The following SHISA6 variants were observed in gnomAD, a reference collection of about 807,000 sequenced individuals.
SHISA6 encodes the protein protein shisa-6.
A neutral mutation model predicts 47.9 loss-of-function variants in SHISA6; 22 were observed. The ratio of observed to expected loss-of-function variants is 0.46; its 90% CI spans 0.33 to 0.66. SHISA6 has a LOEUF of 0.66. SHISA6 is among the 30% of genes least tolerant of loss of function. The pLI, the probability that SHISA6 is intolerant of heterozygous loss-of-function variation, is 0.02. For missense variants in SHISA6, 680 were observed against 764.6 expected (o/e 0.89, Z 1.30); for synonymous variants, 388 against 337.8 (o/e 1.15, Z -1.63).
intron 2 of SHISA6, among the ~76,000 whole-genome samples, chr17:11,343,114 CT>C (rs1911592886): frequency 6.6e-6 from 1 of 152,172 alleles, no homozygotes; most frequent in Non-Finnish European, 1.5e-5. Context: ...TTCTTTCCCC[CT>C]ATAAGTTATA....
chr17:11,557,140 C>T (rs73975011), intron 5 of SHISA6, among the ~76,000 whole-genome samples: 3,475 of 152,254 alleles, frequency 0.023, 126 homozygotes, highest in African/African-American at 0.079. Context: ...GCTTTCTATG[C>T]GTTGCCTGTT....
At chr17:11,442,849 C>T (rs543838616) in intron 3 of SHISA6, among the ~76,000 whole-genome samples, 17 of 152,180 alleles carry the variant, frequency 1.1e-4, no homozygotes, top group African/African-American at 2.6e-4. Flanking sequence ...TGGCCTTGGG[C>T]GTCCAGTTTA....
chr17:11,447,839 T>C (rs1039104652), intron 3 of SHISA6, among the ~76,000 whole-genome samples: 1 of 152,074 alleles, frequency 6.6e-6, no homozygotes, highest in Non-Finnish European at 1.5e-5. Flanking sequence ...CCCACATGTA[T>C]GGGAGGGGGC....
chr17:11,454,355 T>A (rs539149873), intron 3 of SHISA6, among the ~76,000 whole-genome samples: 2 of 152,284 alleles, frequency 1.3e-5, no homozygotes, highest in African/African-American at 4.8e-5. Flanking sequence ...CGACATCCTC[T>A]CTGCACCCTC....
At chr17:11,466,049 TG>T (rs1289757661) in intron 3 of SHISA6, among the ~76,000 whole-genome samples, 8 of 152,164 alleles carry the variant, frequency 5.3e-5, no homozygotes, top group Non-Finnish European at 1.0e-4. Context: ...TCTAGATTGA[TG>T]CTGAGAGCTT....
chr17:11,522,714 C>T (rs1271409370), intron 3 of SHISA6, among the ~76,000 whole-genome samples: 1 of 152,184 alleles, frequency 6.6e-6, no homozygotes, highest in Non-Finnish European at 1.5e-5. Flanking sequence ...GATCCTCCCG[C>T]CTTGGTGTGA....
At chr17:11,253,500 G>A (rs934905847) in intron 1 of SHISA6, among the ~76,000 whole-genome samples, 7 of 152,092 alleles carry the variant, frequency 4.6e-5, no homozygotes, top group East Asian at 3.8e-4. Context: ...GTAGCTCTTC[G>A]AAGATCAATT....
At chr17:11,472,445 T>C (rs1465173243) in intron 3 of SHISA6, among the ~76,000 whole-genome samples, 1 of 152,160 alleles carries the variant, frequency 6.6e-6, no homozygotes, top group East Asian at 1.9e-4. Context: ...GTGATCCTTC[T>C]ACCTTGGCCA....
intron 2 of SHISA6, among the ~76,000 whole-genome samples, chr17:11,356,827 G>A (rs1912093148): frequency 6.6e-6 from 1 of 152,024 alleles, no homozygotes; most frequent in African/African-American, 2.4e-5. Context: ...GGATCTACCT[G>A]GTAGCCAAAG....
intron 1 of SHISA6, among the ~76,000 whole-genome samples, chr17:11,260,031 A>G (rs1297314654): frequency 2.6e-5 from 4 of 152,236 alleles, no homozygotes; most frequent in Non-Finnish European, 5.9e-5. Flanking sequence ...GGGCAGGTGA[A>G]TGCATCGAGA....
chr17:11,279,516 A>G (rs999614068), intron 2 of SHISA6, among the ~76,000 whole-genome samples: 2 of 152,066 alleles, frequency 1.3e-5, no homozygotes, highest in Non-Finnish European at 2.9e-5. Flanking sequence ...AAACTCTGCA[A>G]TGCCCTGTGG....
At chr17:11,523,596 G>A (rs138916975) in intron 3 of SHISA6, among the ~76,000 whole-genome samples, 4 of 152,268 alleles carry the variant, frequency 2.6e-5, no homozygotes, top group Admixed American at 6.5e-5. Context: ...CTGTGTGGGC[G>A]CCTGGCTGTG....
In SHISA6 at chr17:11,557,912, G is replaced by T. The variant is rs779029422; in HGVS notation, c.1264G>T (p.Val422Phe). 2 of 1,551,606 alleles carry T rather than the reference G, an allele frequency of 1.3e-6. No individual in the cohort carries two copies. The highest frequency in any genetic ancestry group is 1.7e-6 in the Non-Finnish European group (2 of 1,146,986). ...RPIRAMSQDR[V>F]LSPDRGLPDE... ...CATCCGGGCCATGTCCCAGGACAGG[G>T]TCCTGTCCCCGGATCGGGGCCTGCC... is the stretch of plus-strand genomic sequence containing the variant. Residue 422 changes from valine to phenylalanine, a missense_variant, in exon 6 of 6, where the codon GTC becomes TTC. Val to Phe is a conservative substitution (Grantham distance 50). This residue lies in a region of SHISA6 where 559 missense variants were observed against 674.1 expected (regional missense o/e 0.83). Transcript: ENST00000441885.
intron 3 of SHISA6, among the ~76,000 whole-genome samples, chr17:11,444,055 A>C (rs2142299687): frequency 6.6e-6 from 1 of 152,292 alleles, no homozygotes; most frequent in African/African-American, 2.4e-5. Context: ...GCGGTGGCTC[A>C]CACCTGTAAT....
At chr17:11,543,155 G>T (rs139379562) in intron 3 of SHISA6, among the ~76,000 whole-genome samples, 2 of 152,098 alleles carry the variant, frequency 1.3e-5, no homozygotes. Flanking sequence ...AAGAGGCTCC[G>T]TAGACATATT....
chr17:11,388,789 T>TG (rs1913275300), intron 3 of SHISA6, among the ~76,000 whole-genome samples: 1 of 61,712 alleles, frequency 1.6e-5, no homozygotes, highest in Admixed American at 2.2e-4. Context: ...CAAACAAAAG[T>TG]TTATATATAT....
intron 2 of SHISA6, among the ~76,000 whole-genome samples, chr17:11,326,710 C>T (rs1462016235): frequency 6.6e-6 from 1 of 152,232 alleles, no homozygotes; most frequent in Non-Finnish European, 1.5e-5. Flanking sequence ...TGTATCCAGA[C>T]CTCTGTGTGA....
At chr17:11,316,412 TC>T (rs1307796962) in intron 2 of SHISA6, among the ~76,000 whole-genome samples, 18 of 66,994 alleles carry the variant, frequency 2.7e-4, no homozygotes, top group African/African-American at 6.2e-4. Context: ...TCTCTCTCTC[TC>T]TCTCTCTTTT....
Position 11,555,744 on chromosome 17 carries a change from G to A in SHISA6, c.957G>A (p.Lys319=). Residue 319 remains lysine, a synonymous_variant, in exon 5 of 6, where the codon AAG becomes AAA. Transcript: ENST00000441885. The stretch of plus-strand genomic sequence containing the variant: ...CACCCCTCCCTTTTCTTGCAGAGAA[G>A]CCACGGATGAACAACATCCTGACAT... ...SSVTQIPPHE[K]PRMNNILTSA... 1.9e-6 allele frequency: 3 copies of A among 1,540,358 alleles called. No homozygotes were observed. Among genetic ancestry groups the A allele is most frequent in the Non-Finnish European group, 2.6e-6 (3 of 1,142,496 alleles).
Sources: gnomAD v4.1 joint callset for allele counts (sites outside exome capture counted in the v4.1 genomes callset) on GRCh38, gnomAD v4.1.1 for gene constraint, gnomAD v4.1.1 regional missense constraint, MANE v1.5 for transcripts, NCBI Gene and HGNC (gene_info 2026-07-23, HGNC 2026-07-21) for gene names.